Variants in NXPH2 observed in about 807,000 individuals in gnomAD.
The protein encoded by NXPH2 is neurexophilin 2.
Under a neutral mutation model 19.8 loss-of-function variants are expected in NXPH2, and 5 were observed. The ratio of observed to expected loss-of-function variants is 0.25; its 90% CI spans 0.13 to 0.53. The LOEUF (loss-of-function observed/expected upper bound fraction) is 0.53. NXPH2 is among the 20% of genes least tolerant of loss of function. The pLI, the probability that NXPH2 is intolerant of heterozygous loss-of-function variation, is 0.96. For missense variants in NXPH2, 289 were observed against 322.8 expected, an observed-to-expected ratio of 0.90 and a Z score of 0.80; for synonymous variants, 154 against 127.4, an observed-to-expected ratio of 1.21 and a Z score of -1.41.
At chr2:138,707,621 C>A (rs1235953187) in intron 1 of NXPH2, among the ~76,000 whole-genome samples, 1 of 151,404 alleles carries the variant, frequency 6.6e-6, no homozygotes, top group African/African-American at 2.4e-5. Flanking sequence ...GTTGCATAAG[C>A]ATTCTGGGAA....
At chr2:138,779,498 C>A (rs1434503479) in intron 1 of NXPH2, among the ~76,000 whole-genome samples, 1 of 152,138 alleles carries the variant, frequency 6.6e-6, no homozygotes, top group African/African-American at 2.4e-5. Flanking sequence ...CCGAGCCACC[C>A]AGACCAGGCG....
rs147020405 is a variant in NXPH2 at position 138,775,366 on chromosome 2, T to C, written c.51+4825A>G. Among the ~76,000 whole-genome samples, 159 of 152,260 alleles carry C rather than the reference T, an allele frequency of 1.0e-3. 5 individuals are homozygous for C. The East Asian group carries it at 0.029, about 28-fold the overall frequency. On this transcript the variant is annotated intron_variant, in intron 1 of 1. Coordinates refer to ENST00000272641, the MANE Select transcript of NXPH2 (RefSeq NM_007226.3). Reference sequence around the variant, plus strand: ...TCACATCTTAAAATTCTTTCTTTAATATGAAAATCTATACCACAACTTATA... The same window carrying C: ...TCACATCTTAAAATTCTTTCTTTAACATGAAAATCTATACCACAACTTATA...
chr2:138,758,821 A>G (rs1015183740), intron 1 of NXPH2, among the ~76,000 whole-genome samples: 7 of 152,154 alleles, frequency 4.6e-5, no homozygotes, highest in Non-Finnish European at 8.8e-5. Flanking sequence ...TTTGCTCACA[A>G]GTGGTCCCAA....
intron 1 of NXPH2, among the ~76,000 whole-genome samples, chr2:138,700,016 C>A (rs1341782689): frequency 6.6e-6 from 1 of 152,068 alleles, no homozygotes; most frequent in Non-Finnish European, 1.5e-5. Context: ...GAGGGCGTCA[C>A]CAAATTCTGT....
intron 1 of NXPH2, among the ~76,000 whole-genome samples, chr2:138,764,396 C>T (rs1456744510): frequency 6.6e-6 from 1 of 152,204 alleles, no homozygotes; most frequent in Non-Finnish European, 1.5e-5. Context: ...TCTGAAAATG[C>T]TTTCTTGCTA....
chr2:138,703,721 C>G (rs1289784474), intron 1 of NXPH2, among the ~76,000 whole-genome samples: 2 of 152,148 alleles, frequency 1.3e-5, no homozygotes, highest in South Asian at 4.1e-4. Context: ...TGAAACATAA[C>G]AACAGTGATT....
chr2:138,717,443 C>A (rs1474168657), intron 1 of NXPH2, among the ~76,000 whole-genome samples: 1 of 151,446 alleles, frequency 6.6e-6, no homozygotes, highest in Non-Finnish European at 1.5e-5. Context: ...AAAGTGCCAG[C>A]CGATTTGGTA....
At chr2:138,683,840 A>G (rs1680611319) in intron 1 of NXPH2, among the ~76,000 whole-genome samples, 1 of 152,206 alleles carries the variant, frequency 6.6e-6, no homozygotes, top group Non-Finnish European at 1.5e-5. Flanking sequence ...TAAATTTTCC[A>G]ACTTTCTTAG....
intron 1 of NXPH2, among the ~76,000 whole-genome samples, chr2:138,740,683 AACTC>A (rs1681628401): frequency 1.3e-5 from 2 of 152,250 alleles, no homozygotes; most frequent in African/African-American, 4.8e-5. Context: ...TGGAGAGACA[AACTC>A]ACTCATGTGT....
At chr2:138,731,774 T>C (rs1478343176) in intron 1 of NXPH2, among the ~76,000 whole-genome samples, 1 of 151,892 alleles carries the variant, frequency 6.6e-6, no homozygotes, top group African/African-American at 2.4e-5. Flanking sequence ...AGTAGGGCCA[T>C]TGGACCAGCA....
At chr2:138,723,155 A>G (rs1431048729) in intron 1 of NXPH2, among the ~76,000 whole-genome samples, 2 of 145,814 alleles carry the variant, frequency 1.4e-5, no homozygotes, top group East Asian at 2.3e-4. Flanking sequence ...AAGCAACACA[A>G]ACAGACAAGC....
intron 1 of NXPH2, among the ~76,000 whole-genome samples, chr2:138,759,985 T>C (rs1483201536): frequency 6.6e-6 from 1 of 152,090 alleles, no homozygotes; most frequent in Admixed American, 6.6e-5. Flanking sequence ...CGCCTCGGCC[T>C]CCCAAAGTGC....
rs1197566583 is a variant in NXPH2 at position 138,669,404 on chromosome 2, C to A, written c.*1518G>T. On this transcript the variant is annotated 3_prime_UTR_variant, in exon 2 of 2. Transcript: ENST00000272641. ...AGAACTTCAAGCCTGTACTACCACA[C>A]ACTAAGCTTAGTACAATTTTTACAA... Among the ~76,000 whole-genome samples the A allele has an allele frequency of 6.6e-6, 1 of 152,096 alleles. No individual in the cohort carries two copies. The highest frequency in any genetic ancestry group is 1.5e-5 in the Non-Finnish European group (1 of 68,002).
At chr2:138,767,917 G>C (rs1682116230) in intron 1 of NXPH2, among the ~76,000 whole-genome samples, 1 of 151,514 alleles carries the variant, frequency 6.6e-6, no homozygotes, top group Non-Finnish European at 1.5e-5. Context: ...TGGTTTTTTT[G>C]CTCTCTTCCA....
chr2:138,715,293 G>A (rs1341249593), intron 1 of NXPH2, among the ~76,000 whole-genome samples: 2 of 152,066 alleles, frequency 1.3e-5, no homozygotes, highest in African/African-American at 4.8e-5. Flanking sequence ...TTTTATACTG[G>A]ATACATACAA....
intron 1 of NXPH2, among the ~76,000 whole-genome samples, chr2:138,740,485 C>T (rs570143949): frequency 2.6e-5 from 4 of 152,146 alleles, no homozygotes; most frequent in Admixed American, 6.6e-5. Flanking sequence ...GAAATGAATC[C>T]GCTAATTAAA....
At chr2:138,725,797 C>T (rs1326188613) in intron 1 of NXPH2, among the ~76,000 whole-genome samples, 1 of 152,132 alleles carries the variant, frequency 6.6e-6, no homozygotes, top group Non-Finnish European at 1.5e-5. Flanking sequence ...TTATTTTCCC[C>T]TGCATAAAAA....
chr2:138,678,411 C>T lies in NXPH2; in HGVS notation c.52-6746G>A, dbSNP rs1389612843. Among the ~76,000 whole-genome samples, 3 of 152,124 alleles carry T rather than the reference C, an allele frequency of 2.0e-5. No individual in the cohort carries two copies. In the East Asian group the frequency reaches 5.8e-4, roughly 29 times the overall value. ...TTTTTAAGGTTTTGCTTTCAGAATT[C>T]TCATAAGGGTTGCAGACTGTTGTTA... is the stretch of plus-strand genomic sequence containing the variant. On this transcript the variant is annotated intron_variant, in intron 1 of 1. Coordinates refer to ENST00000272641, the MANE Select transcript of NXPH2 (RefSeq NM_007226.3).
intron 1 of NXPH2, among the ~76,000 whole-genome samples, chr2:138,776,475 G>A (rs1365325798): frequency 1.3e-5 from 2 of 152,004 alleles, no homozygotes; most frequent in Non-Finnish European, 2.9e-5. Flanking sequence ...AACTTGTACT[G>A]GGAGGTGGGT....
Sources: allele counts gnomAD v4.1 joint callset (sites outside exome capture counted in the v4.1 genomes callset), GRCh38; gene constraint gnomAD v4.1.1; transcripts MANE v1.5; gene names NCBI Gene and HGNC (gene_info 2026-07-23, HGNC 2026-07-21).